TENM3: variants seen among roughly 807,000 people sequenced by gnomAD.
TENM3 encodes teneurin transmembrane protein 3, also known as teneurin-3.
TENM3 carries 63 observed loss-of-function variants against 255.1 expected under a neutral mutation model. The observed-to-expected ratio is 0.25, with a 90% CI of 0.20 to 0.30. The LOEUF (loss-of-function observed/expected upper bound fraction) is 0.30, where lower values mean the gene tolerates loss of function less well. TENM3 is among the 10% of genes least tolerant of loss of function. The pLI, the probability that TENM3 is intolerant of heterozygous loss-of-function variation, is 1.00. For missense variants in TENM3, 2,929 were observed against 3,461.1 expected, an observed-to-expected ratio of 0.85 and a Z score of 3.86; for synonymous variants, 1,306 against 1,322.3, an observed-to-expected ratio of 0.99 and a Z score of 0.27.
At chr4:182,703,125 A>T (rs1758019772) in intron 12 of TENM3, among the ~76,000 whole-genome samples, 1 of 152,210 alleles carries the variant, frequency 6.6e-6, no homozygotes, top group Admixed American at 6.5e-5. Flanking sequence ...AGTGGAATAG[A>T]TGAAAATTAA....
chr4:181,483,833 C>G, the TENM3 span, among the ~76,000 whole-genome samples: 10 of 152,098 alleles, frequency 6.6e-5, no homozygotes, highest in Admixed American at 1.3e-4. Flanking sequence ...ACAAGCAGTT[C>G]TTTATCAGCA....
the TENM3 span, among the ~76,000 whole-genome samples, chr4:181,467,273 A>G: frequency 1.3e-5 from 2 of 150,012 alleles, no homozygotes; most frequent in South Asian, 4.2e-4. Flanking sequence ...AGCCGGGATT[A>G]CAAGCGCCCG....
chr4:182,070,672 C>T, the TENM3 span, among the ~76,000 whole-genome samples: 10 of 152,052 alleles, frequency 6.6e-5, no homozygotes, highest in Non-Finnish European at 1.0e-4. Context: ...GAGAGTAAAG[C>T]AGTGACAGAT....
At chr4:181,686,627 G>A in the TENM3 span, among the ~76,000 whole-genome samples, 2 of 152,102 alleles carry the variant, frequency 1.3e-5, no homozygotes, top group Non-Finnish European at 2.9e-5. Flanking sequence ...AGCAGAAGAG[G>A]CAGCATATCC....
At chr4:182,431,944 C>T (rs370132578) in intron 3 of TENM3, among the ~76,000 whole-genome samples, 2 of 151,636 alleles carry the variant, frequency 1.3e-5, no homozygotes, top group Non-Finnish European at 2.9e-5. Flanking sequence ...AGGGTGGTGG[C>T]GGGTGCCTGT....
chr4:181,720,216 T>C, the TENM3 span, among the ~76,000 whole-genome samples: 1 of 152,196 alleles, frequency 6.6e-6, no homozygotes, highest in African/African-American at 2.4e-5. Context: ...TAATAACAAA[T>C]AAGTTTCCAT....
At chr4:182,196,719 T>C (rs1753852317) in intron 1 of TENM3, among the ~76,000 whole-genome samples, 1 of 152,222 alleles carries the variant, frequency 6.6e-6, no homozygotes, top group Non-Finnish European at 1.5e-5. Flanking sequence ...TAAGAAAAGT[T>C]GTGATCATTA....
At chr4:181,450,858 G>C in the TENM3 span, among the ~76,000 whole-genome samples, 1 of 152,138 alleles carries the variant, frequency 6.6e-6, no homozygotes, top group African/African-American at 2.4e-5. Context: ...AGCTATAATT[G>C]ATCTGAATGA....
At chr4:181,574,809 A>G in the TENM3 span, among the ~76,000 whole-genome samples, 2 of 152,214 alleles carry the variant, frequency 1.3e-5, no homozygotes, top group Non-Finnish European at 2.9e-5. Flanking sequence ...TCATTTTACA[A>G]AAGTGAAAAT....
intron 5 of TENM3, 102 bp downstream of exon 5, chr4:182,628,991 A>T (rs565181782): frequency 2.7e-6 from 2 of 740,640 alleles, no homozygotes; most frequent in Middle Eastern, 2.7e-4. Context: ...TTGTGAGATT[A>T]TATTTGGTGG....
At chr4:182,022,108 T>C in the TENM3 span, among the ~76,000 whole-genome samples, 83,567 of 151,660 alleles carry the variant, frequency 0.55, 23,206 homozygotes, top group Middle Eastern at 0.62. Flanking sequence ...AGCCACATGT[T>C]TGTTTGTTCA....
At chr4:182,492,115 A>G (rs1158581145) in intron 3 of TENM3, among the ~76,000 whole-genome samples, 2 of 152,192 alleles carry the variant, frequency 1.3e-5, no homozygotes, top group Non-Finnish European at 2.9e-5. Context: ...ATAAGAGACA[A>G]TAAGGGTAGG....
chr4:181,788,355 A>G, the TENM3 span, among the ~76,000 whole-genome samples: 2 of 152,310 alleles, frequency 1.3e-5, no homozygotes, highest in East Asian at 3.9e-4. Flanking sequence ...TTTCTTCCTC[A>G]TGATCAAGGT....
At chr4:181,971,520 A>G in the TENM3 span, among the ~76,000 whole-genome samples, 2 of 152,160 alleles carry the variant, frequency 1.3e-5, no homozygotes, top group Non-Finnish European at 2.9e-5. Context: ...TATTCGTCAT[A>G]AAACAGAAAG....
At chr4:181,847,253 C>A in the TENM3 span, among the ~76,000 whole-genome samples, 2 of 152,298 alleles carry the variant, frequency 1.3e-5, no homozygotes, top group Middle Eastern at 3.4e-3. Context: ...AAACCTTTAG[C>A]ATTAAGGTAA....
the TENM3 span, among the ~76,000 whole-genome samples, chr4:181,915,425 CA>C: frequency 1.3e-5 from 2 of 151,938 alleles, no homozygotes; most frequent in African/African-American, 4.8e-5. Flanking sequence ...AAATAAGAAT[CA>C]GACATAGTCC....
chr4:182,712,818 C>T (rs1026256620), intron 12 of TENM3, among the ~76,000 whole-genome samples: 2 of 152,152 alleles, frequency 1.3e-5, no homozygotes, highest in African/African-American at 2.4e-5. Flanking sequence ...AAAACAAACC[C>T]CAATTGCTAT....
chr4:181,780,718 A>G, the TENM3 span, among the ~76,000 whole-genome samples: 24 of 152,310 alleles, frequency 1.6e-4, no homozygotes, highest in African/African-American at 4.6e-4. Context: ...GCACATGCCT[A>G]TGTCCTGAAT....
chr4:182,333,809 A>G (rs531399835), intron 2 of TENM3, among the ~76,000 whole-genome samples: 1 of 152,224 alleles, frequency 6.6e-6, no homozygotes, highest in Non-Finnish European at 1.5e-5. Flanking sequence ...TATGCATACA[A>G]AAACCATGTG....
Sources: allele counts gnomAD v4.1 joint callset (sites outside exome capture counted in the v4.1 genomes callset), GRCh38; gene constraint gnomAD v4.1.1; transcripts MANE v1.5; gene names NCBI Gene and HGNC (gene_info 2026-07-23, HGNC 2026-07-21).